FSTL5: variants seen among roughly 807,000 people sequenced by gnomAD.
The protein encoded by FSTL5 is follistatin like 5, also known as follistatin-related protein 5.
In FSTL5, 62 loss-of-function variants were observed where a neutral mutation model predicts 89.1. That is an observed-to-expected ratio of 0.70 (90% confidence interval 0.57 to 0.86). The LOEUF (loss-of-function observed/expected upper bound fraction) is 0.86. FSTL5 is among the 40% of genes least tolerant of loss of function. FSTL5 has a pLI of 0.00. For synonymous variants in FSTL5, 383 were observed against 346.2 expected, an observed-to-expected ratio of 1.11 and a Z score of -1.18; for missense variants, 1,057 against 1,001.6, an observed-to-expected ratio of 1.06 and a Z score of -0.75.
intron 2 of FSTL5, among the ~76,000 whole-genome samples, chr4:162,068,574 G>A (rs565558383): frequency 6.6e-6 from 1 of 151,958 alleles, no homozygotes; most frequent in East Asian, 1.9e-4. Flanking sequence ...AGACTTAAAC[G>A]TAAAATCAAA....
chr4:162,074,745 C>T (rs989639858), intron 2 of FSTL5, among the ~76,000 whole-genome samples: 1 of 151,716 alleles, frequency 6.6e-6, no homozygotes, highest in Admixed American at 6.6e-5. Flanking sequence ...ATACGCATTA[C>T]CTCACATACA....
intron 2 of FSTL5, among the ~76,000 whole-genome samples, chr4:162,083,505 A>G (rs1251909196): frequency 6.6e-6 from 1 of 151,500 alleles, no homozygotes; most frequent in Admixed American, 6.6e-5. Flanking sequence ...AAGTTTTTGC[A>G]AAATTACACA....
chr4:162,079,438 T>C (rs559144307), intron 2 of FSTL5, among the ~76,000 whole-genome samples: 18 of 151,726 alleles, frequency 1.2e-4, no homozygotes, highest in African/African-American at 4.3e-4. Context: ...CATGGGAAAA[T>C]GTTAATATCT....
chr4:161,432,867 C>A (rs1005479102), intron 15 of FSTL5, among the ~76,000 whole-genome samples: 1 of 151,802 alleles, frequency 6.6e-6, no homozygotes, highest in African/African-American at 2.4e-5. Context: ...TACAATCTAC[C>A]AAGATTGAAC....
intron 7 of FSTL5, among the ~76,000 whole-genome samples, chr4:161,600,633 A>G (rs1315740433): frequency 2.0e-5 from 3 of 151,702 alleles, no homozygotes; most frequent in Non-Finnish European, 4.4e-5. Context: ...CTTCTTAAAA[A>G]TTAAGGCAAA....
chr4:161,814,877 A>G (rs575093484), intron 4 of FSTL5, among the ~76,000 whole-genome samples: 80 of 152,112 alleles, frequency 5.3e-4, no homozygotes, highest in Non-Finnish European at 7.9e-4. Context: ...CAGTGCAAAA[A>G]GAAGATATAG....
intron 15 of FSTL5, among the ~76,000 whole-genome samples, chr4:161,436,566 G>A (rs1467378675): frequency 6.6e-6 from 1 of 152,144 alleles, no homozygotes; most frequent in Non-Finnish European, 1.5e-5. Flanking sequence ...ACTTCTGTAT[G>A]AAGTGTCTCA....
intron 7 of FSTL5, among the ~76,000 whole-genome samples, chr4:161,647,030 T>A (rs972195772): frequency 8.5e-5 from 13 of 152,192 alleles, no homozygotes; most frequent in Non-Finnish European, 1.9e-4. Flanking sequence ...CTATTTTTGT[T>A]TTTGTTGCCT....
intron 6 of FSTL5, among the ~76,000 whole-genome samples, chr4:161,704,595 CT>C (rs1579035068): frequency 6.6e-6 from 1 of 151,502 alleles, no homozygotes; most frequent in East Asian, 1.9e-4. Context: ...TTTTTTTTTC[CT>C]CTGGTAAAGA....
intron 8 of FSTL5, among the ~76,000 whole-genome samples, chr4:161,554,341 G>T (rs142251205): frequency 2.6e-5 from 4 of 151,628 alleles, no homozygotes; most frequent in African/African-American, 4.8e-5. Flanking sequence ...GAATCTAATA[G>T]AATTTATTTA....
intron 8 of FSTL5, among the ~76,000 whole-genome samples, chr4:161,580,408 C>G (rs1449727681): frequency 6.6e-6 from 1 of 152,094 alleles, no homozygotes. Flanking sequence ...AAAAGCAGCT[C>G]TGAGAAAAGA....
intron 4 of FSTL5, among the ~76,000 whole-genome samples, chr4:161,782,459 C>A (rs1741708254): frequency 6.6e-6 from 1 of 152,062 alleles, no homozygotes. Flanking sequence ...GTGGTAGTTC[C>A]TTCTGTTTTA....
At chr4:162,157,559 A>G (rs1733530486) in intron 1 of FSTL5, among the ~76,000 whole-genome samples, 1 of 152,168 alleles carries the variant, frequency 6.6e-6, no homozygotes, top group Non-Finnish European at 1.5e-5. Flanking sequence ...CACGAATGGT[A>G]TACACAATCT....
chr4:162,159,008 G>A (rs1733591644), intron 1 of FSTL5, among the ~76,000 whole-genome samples: 1 of 152,048 alleles, frequency 6.6e-6, no homozygotes, highest in Non-Finnish European at 1.5e-5. Context: ...CTCAGAGTCT[G>A]ATTGACAGTA....
intron 6 of FSTL5, among the ~76,000 whole-genome samples, chr4:161,753,268 C>T (rs1259339192): frequency 6.6e-6 from 1 of 152,134 alleles, no homozygotes. Context: ...CAAAATTTAA[C>T]TCAATGTCTT....
intron 3 of FSTL5, among the ~76,000 whole-genome samples, chr4:162,013,473 T>C (rs1401022694): frequency 6.6e-6 from 1 of 152,130 alleles, no homozygotes; most frequent in African/African-American, 2.4e-5. Context: ...AACACTAGAA[T>C]AGTTTATAGA....
At chr4:161,407,979 T>G (rs1731445367) in intron 15 of FSTL5, among the ~76,000 whole-genome samples, 1 of 152,142 alleles carries the variant, frequency 6.6e-6, no homozygotes, top group Non-Finnish European at 1.5e-5. Context: ...CAGAAGGGCC[T>G]CACTCAGAGC....
At chr4:162,153,619 TATATATGTATATAATA>T (rs1334025653) in intron 1 of FSTL5, among the ~76,000 whole-genome samples, 6 of 140,736 alleles carry the variant, frequency 4.3e-5, no homozygotes, top group Admixed American at 1.5e-4. Flanking sequence ...ATATGTATAT[TATATATGTATATAATA>T]ATATATGTAT....
At chr4:161,523,082 T>C (rs2126518692) in intron 10 of FSTL5, among the ~76,000 whole-genome samples, 2 of 152,252 alleles carry the variant, frequency 1.3e-5, no homozygotes, top group East Asian at 3.9e-4. Context: ...TCCACTAAAA[T>C]TTCACTTTTA....
Sources: gnomAD v4.1 joint callset for allele counts (sites outside exome capture counted in the v4.1 genomes callset) on GRCh38, gnomAD v4.1.1 for gene constraint, MANE v1.5 for transcripts, NCBI Gene and HGNC (gene_info 2026-07-23, HGNC 2026-07-21) for gene names.